The following SGIP1 variants were observed in gnomAD, a reference collection of about 807,000 sequenced individuals.
SGIP1 encodes SH3-containing GRB2-like protein 3-interacting protein 1.
A neutral mutation model predicts 107.5 loss-of-function variants in SGIP1; 38 were observed. The observed-to-expected ratio is 0.35, with a 90% confidence interval of 0.27 to 0.46. SGIP1 has a LOEUF of 0.46. Among genes scored for constraint, SGIP1 ranks in the 20% least tolerant of loss-of-function variants. SGIP1 has a pLI of 1.00. For synonymous variants in SGIP1, 365 were observed against 366.1 expected, an observed-to-expected ratio of 1.00 and a Z score of 0.03; for missense variants, 929 against 1,019.5, an observed-to-expected ratio of 0.91 and a Z score of 1.21.
chr1:66,578,026 T>C (rs747532974), intron 1 of SGIP1, among the ~76,000 whole-genome samples: 6 of 152,226 alleles, frequency 3.9e-5, no homozygotes, highest in Non-Finnish European at 8.8e-5. Context: ...TATTTAGAAG[T>C]TGGTGTGACT....
At chr1:66,700,279 G>A (rs949976860) in intron 18 of SGIP1, among the ~76,000 whole-genome samples, 1 of 150,564 alleles carries the variant, frequency 6.6e-6, no homozygotes, top group Non-Finnish European at 1.5e-5. Flanking sequence ...GCTGAGGCAG[G>A]AGAACTGTTT....
chr1:66,708,928 T>C (rs1433186097), intron 18 of SGIP1, among the ~76,000 whole-genome samples: 2 of 152,156 alleles, frequency 1.3e-5, no homozygotes, highest in Non-Finnish European at 2.9e-5. Flanking sequence ...CTGACTTTCT[T>C]ATTTATTTAT....
intron 18 of SGIP1, among the ~76,000 whole-genome samples, chr1:66,697,889 G>T (rs992078640): frequency 3.9e-5 from 6 of 151,962 alleles, no homozygotes; most frequent in Non-Finnish European, 8.8e-5. Flanking sequence ...TATTCTTGTA[G>T]GGCACTCTGG....
Position 66,671,350 on chromosome 1 carries a change from G to A in SGIP1, c.508+331G>A, listed in dbSNP as rs997270909. On this transcript the variant is annotated intron_variant, in intron 10 of 24. Transcript: ENST00000371037. ...GTTGCTGGGGGTGGGAAGAACAGGC[G>A]GGCAGAAGGAACTGAAAGTAGAAGC... Among the ~76,000 whole-genome samples the A allele has an allele frequency of 2.6e-5, 4 of 152,032 alleles. No homozygotes were observed. The East Asian group carries it at 5.8e-4, about 22-fold the overall frequency.
intron 1 of SGIP1, among the ~76,000 whole-genome samples, chr1:66,554,178 C>A (rs1016889557): frequency 6.6e-6 from 1 of 152,084 alleles, no homozygotes; most frequent in African/African-American, 2.4e-5. Context: ...GTTTCCTTCA[C>A]CCATGAGTCA....
chr1:66,547,373 G>A (rs895419805), intron 1 of SGIP1, among the ~76,000 whole-genome samples: 1 of 152,170 alleles, frequency 6.6e-6, no homozygotes, highest in Non-Finnish European at 1.5e-5. Flanking sequence ...GCAGTTTAAA[G>A]TGTGTTCAAC....
At chr1:66,646,460 G>A (rs572848009) in intron 7 of SGIP1, among the ~76,000 whole-genome samples, 1 of 152,102 alleles carries the variant, frequency 6.6e-6, no homozygotes, top group South Asian at 2.1e-4. Context: ...GGTTTACGTT[G>A]GACTTCTGAT....
At chr1:66,646,144 T>C (rs1428278557) in intron 7 of SGIP1, among the ~76,000 whole-genome samples, 1 of 152,142 alleles carries the variant, frequency 6.6e-6, no homozygotes, top group Non-Finnish European at 1.5e-5. Context: ...CCCAGCCATG[T>C]ACATATATTT....
intron 1 of SGIP1, among the ~76,000 whole-genome samples, chr1:66,542,815 C>A (rs958504501): frequency 1.3e-5 from 2 of 152,110 alleles, no homozygotes; most frequent in Non-Finnish European, 2.9e-5. Context: ...AACTAGGGCC[C>A]ACTAAGGTTA....
intron 8 of SGIP1, among the ~76,000 whole-genome samples, chr1:66,664,872 A>G (rs908904855): frequency 2.0e-5 from 3 of 152,210 alleles, no homozygotes; most frequent in African/African-American, 7.2e-5. Flanking sequence ...AGGCAGAGCT[A>G]TTAGAGATTG....
Position 66,750,052 on chromosome 1 carries a change from T to G in SGIP1, c.*6957T>G, listed in dbSNP as rs1469782838. Among the ~76,000 whole-genome samples, 1 of 150,364 alleles carries G rather than the reference T, an allele frequency of 6.7e-6. No individual in the cohort carries two copies. Among genetic ancestry groups the G allele is most frequent in the African/African-American group, 2.5e-5 (1 of 40,122 alleles). On this transcript the variant is annotated 3_prime_UTR_variant, in exon 25 of 25. Transcript: ENST00000371037. ...GTGTGTGGGGGTGTGTGTGTGTGTG[T>G]GTGTGTGTGTGTGTGTCTCTTTCCT...
intron 1 of SGIP1, among the ~76,000 whole-genome samples, chr1:66,536,448 A>T (rs1017632435): frequency 6.6e-6 from 1 of 152,190 alleles, no homozygotes; most frequent in Non-Finnish European, 1.5e-5. Flanking sequence ...ACCAAAAATC[A>T]ATTTGCTATC....
At chr1:66,636,431 G>A (rs1462747933) in intron 4 of SGIP1, among the ~76,000 whole-genome samples, 1 of 152,212 alleles carries the variant, frequency 6.6e-6, no homozygotes, top group African/African-American at 2.4e-5. Flanking sequence ...AGGAGCCAGT[G>A]TATTTGACCA....
At position 66,733,666 on chromosome 1, in the gene SGIP1, C is replaced by T. The variant is rs17129391; in HGVS notation, c.1899-82C>T. Reference sequence around the variant, plus strand: ...TCAAAAAATGGCTGTACATATCAGACGACAATTTGCTAAGATGCTTCGTGT... The same window carrying T: ...TCAAAAAATGGCTGTACATATCAGATGACAATTTGCTAAGATGCTTCGTGT... On this transcript the variant is annotated intron_variant, in intron 20 of 24. Transcript: ENST00000371037. The T allele has an allele frequency of 6.9e-3, 10,161 of 1,481,788 alleles. 569 individuals carry two copies. The African/African-American group carries it at 0.12, about 18-fold the overall frequency. The allele number at this position is 1,481,788 out of a possible 1,614,324, so 91.8% of individuals were successfully genotyped here. A position where few individuals can be genotyped will look rare whatever the true frequency, so the allele number is the denominator to read the frequency against.
intron 1 of SGIP1, among the ~76,000 whole-genome samples, chr1:66,608,600 T>C (rs982593499): frequency 3.9e-5 from 6 of 152,218 alleles, no homozygotes; most frequent in African/African-American, 7.2e-5. Flanking sequence ...GGCCTAAAGA[T>C]AAAAGCTCTC....
At chr1:66,703,172 A>T (rs1467506703) in intron 18 of SGIP1, among the ~76,000 whole-genome samples, 1 of 152,190 alleles carries the variant, frequency 6.6e-6, no homozygotes, top group African/African-American at 2.4e-5. Flanking sequence ...CTTGTGCTGG[A>T]ATTATGGAGG....
chr1:66,537,768 T>C (rs748160368), intron 1 of SGIP1, among the ~76,000 whole-genome samples: 42 of 152,236 alleles, frequency 2.8e-4, no homozygotes, highest in Non-Finnish European at 4.4e-4. Context: ...TGAAACTAAG[T>C]ATATTGTATA....
At chr1:66,675,320 G>A (rs1217269806) in intron 12 of SGIP1, among the ~76,000 whole-genome samples, 1 of 152,092 alleles carries the variant, frequency 6.6e-6, no homozygotes, top group Non-Finnish European at 1.5e-5. Flanking sequence ...GGCTTGTGGT[G>A]GGGAGGAGAT....
At chr1:66,536,164 G>T (rs184202789) in intron 1 of SGIP1, among the ~76,000 whole-genome samples, 273 of 152,322 alleles carry the variant, frequency 1.8e-3, no homozygotes, top group African/African-American at 6.2e-3. Flanking sequence ...ACAAAGACTT[G>T]TGCTGGAGCT....
Sources: gnomAD v4.1 joint callset for allele counts (sites outside exome capture counted in the v4.1 genomes callset) on GRCh38, gnomAD v4.1.1 for gene constraint, MANE v1.5 for transcripts, NCBI Gene and HGNC (gene_info 2026-07-23, HGNC 2026-07-21) for gene names.